DYNC2H1: variants seen among roughly 807,000 people sequenced by gnomAD.
DYNC2H1 encodes the protein cytoplasmic dynein 2 heavy chain 1.
Under a neutral mutation model 570.0 loss-of-function variants are expected in DYNC2H1, and 410 were observed. That is an observed-to-expected ratio of 0.72 (90% CI 0.66 to 0.78). The LOEUF (loss-of-function observed/expected upper bound fraction) is 0.78, where lower values mean the gene tolerates loss of function less well. Ranked by LOEUF, DYNC2H1 falls within the 30% of genes least tolerant of loss-of-function variation. DYNC2H1 has a pLI of 0.00. For missense variants in DYNC2H1, 4,865 were observed against 5,046.4 expected, an observed-to-expected ratio of 0.96 and a Z score of 1.09; for synonymous variants, 1,688 against 1,677.6, an observed-to-expected ratio of 1.01 and a Z score of -0.15.
chr11:103,415,195 C>T (rs1363884757), intron 84 of DYNC2H1, among the ~76,000 whole-genome samples: 1 of 152,126 alleles, frequency 6.6e-6, no homozygotes, highest in African/African-American at 2.4e-5. Flanking sequence ...AAATGTTAGA[C>T]CTCAAACCAT....
intron 75 of DYNC2H1, among the ~76,000 whole-genome samples, chr11:103,296,041 G>A (rs905078909): frequency 2.6e-5 from 4 of 152,096 alleles, no homozygotes; most frequent in Admixed American, 2.0e-4. Flanking sequence ...CCTCCCCTAC[G>A]CACACAGATT....
chr11:103,243,344 A>G lies in DYNC2H1; in HGVS notation c.9820-349A>G, dbSNP rs1216824747. ...ATTTGACTGTGTATTATAAAAGCCA[A>G]AAAGAATGCTGCAAATGACATCAGC... On this transcript the variant is annotated intron_variant, in intron 63 of 88. Transcript: ENST00000375735. The surrounding 1 kb of genome is among the most constrained non-coding windows in gnomAD (Gnocchi z 4.8). Among the ~76,000 whole-genome samples, 2 of 152,254 alleles carry G rather than the reference A, an allele frequency of 1.3e-5. No individual in the cohort carries two copies. Among genetic ancestry groups the G allele is most frequent in the East Asian group, 1.9e-4 (1 of 5,164 alleles).
At chr11:103,352,872 A>G (rs959610906) in intron 82 of DYNC2H1, among the ~76,000 whole-genome samples, 1 of 152,248 alleles carries the variant, frequency 6.6e-6, no homozygotes, top group South Asian at 2.1e-4. Flanking sequence ...AGCACTATTC[A>G]CAATAGCAGA....
In DYNC2H1 at chr11:103,122,882, T is replaced by A; in HGVS notation, c.1543T>A (p.Cys515Ser). The A allele has an allele frequency of 1.2e-6, 2 of 1,613,376 alleles. No individual in the cohort carries two copies. Among genetic ancestry groups the A allele is most frequent in the Non-Finnish European group, 8.5e-7 (1 of 1,179,610 alleles). The change falls in exon 11 of 89, where the codon TGT becomes AGT. Residue 515 changes from cysteine (C) to serine (S), a missense_variant. Cys to Ser is a moderately radical substitution (Grantham distance 112). Transcript: ENST00000375735. ...ALLSDLPGFR[C>S]FHQSAKDLLD... ...TTTATCTGACTTGCCAGGATTTCGA[T>A]GTTTCCATCAAAGTGCCAAAGATCT...
chr11:103,262,352 A>G (rs1393279361), intron 70 of DYNC2H1, among the ~76,000 whole-genome samples: 1 of 152,194 alleles, frequency 6.6e-6, no homozygotes, highest in Non-Finnish European at 1.5e-5. Context: ...TACAGAGAAC[A>G]CCACAAAGAT....
At chr11:103,234,465 C>T (rs1864145973) in intron 61 of DYNC2H1, among the ~76,000 whole-genome samples, 1 of 152,010 alleles carries the variant, frequency 6.6e-6, no homozygotes, top group South Asian at 2.1e-4. Context: ...TTACCTTCAC[C>T]AGGACAGTAA....
At chr11:103,366,245 A>G (rs539069620) in intron 83 of DYNC2H1, among the ~76,000 whole-genome samples, 1 of 152,326 alleles carries the variant, frequency 6.6e-6, no homozygotes, top group African/African-American at 2.4e-5. Flanking sequence ...AGGCATTTAC[A>G]ATGGCAAATG....
At chr11:103,236,087 C>T (rs1201292930) in intron 62 of DYNC2H1, among the ~76,000 whole-genome samples, 3 of 151,848 alleles carry the variant, frequency 2.0e-5, no homozygotes, top group East Asian at 1.9e-4. Flanking sequence ...TGCATAGATG[C>T]AATTAAACAT....
intron 71 of DYNC2H1, among the ~76,000 whole-genome samples, chr11:103,281,716 C>CAAAAAAAA (rs71066145): frequency 7.7e-6 from 1 of 129,108 alleles, no homozygotes. Flanking sequence ...AATTCTATGG[C>CAAAAAAAA]AAAAAAAAAA....
At chr11:103,474,025 A>G (rs11225821) in intron 88 of DYNC2H1, 9,194 of 183,134 alleles carry the variant, frequency 0.05, 472 homozygotes, top group East Asian at 0.24. Context: ...TGCCTTCTAT[A>G]CACTCTGGTT....
intron 43 of DYNC2H1, among the ~76,000 whole-genome samples, chr11:103,188,160 G>A (rs941395357): frequency 6.6e-6 from 1 of 151,776 alleles, no homozygotes; most frequent in Non-Finnish European, 1.5e-5. Flanking sequence ...AATATTTACA[G>A]AAAAAAACAA....
chr11:103,345,282 G>GT (rs35941820), intron 82 of DYNC2H1, among the ~76,000 whole-genome samples: 33,128 of 148,370 alleles, frequency 0.22, 3,717 homozygotes, highest in Admixed American at 0.31. Context: ...GGTTACTCCA[G>GT]TTTTTTTTTT....
Position 103,203,790 on chromosome 11 carries a change from A to G in DYNC2H1, c.8311+14A>G. 6.5e-7 allele frequency: 1 copy of G among 1,528,916 alleles called. No homozygotes were observed. Among genetic ancestry groups the G allele is most frequent in the Non-Finnish European group, 9.0e-7 (1 of 1,115,948 alleles). The allele number at this position is 1,528,916 out of a possible 1,614,324, so 94.7% of individuals were successfully genotyped here. A position where few individuals can be genotyped will look rare whatever the true frequency, so the allele number is the denominator to read the frequency against. ...ACTTCACATATAGTAAGTGACATAG[A>G]ATTCATTAATCAAATCAAACTGGTT... On this transcript the variant is annotated intron_variant, in intron 51 of 88. Transcript: ENST00000375735. The surrounding 1 kb of genome is among the most constrained non-coding windows in gnomAD (Gnocchi z 4.7).
chr11:103,131,520 CT>C (rs142366151), intron 13 of DYNC2H1, among the ~76,000 whole-genome samples: 5,243 of 151,526 alleles, frequency 0.035, 315 homozygotes, highest in African/African-American at 0.12. Flanking sequence ...CCCCAGTATT[CT>C]TTTTTTTCCC....
At chr11:103,288,704 A>T (rs1212476303) in intron 75 of DYNC2H1, among the ~76,000 whole-genome samples, 1 of 148,102 alleles carries the variant, frequency 6.8e-6, no homozygotes, top group East Asian at 2.0e-4. Context: ...AAAAAAAAAA[A>T]AAAAAAGAAA....
intron 82 of DYNC2H1, among the ~76,000 whole-genome samples, chr11:103,331,040 C>T (rs1461806015): frequency 6.6e-6 from 1 of 152,154 alleles, no homozygotes; most frequent in African/African-American, 2.4e-5. Context: ...TTGAACCTCT[C>T]AGAGATGAAA....
chr11:103,141,102 T>C (rs1029536667), intron 17 of DYNC2H1, among the ~76,000 whole-genome samples: 1 of 152,160 alleles, frequency 6.6e-6, no homozygotes, highest in Non-Finnish European at 1.5e-5. Context: ...TAGTTATACA[T>C]TCATCTAAAT....
At chr11:103,400,069 C>T (rs1942573981) in intron 84 of DYNC2H1, among the ~76,000 whole-genome samples, 197 bp downstream of exon 84, 1 of 152,144 alleles carries the variant, frequency 6.6e-6, no homozygotes, top group South Asian at 2.1e-4. Context: ...GATGTAGGAA[C>T]TTAAATTGTC....
At chr11:103,156,815 T>A (rs557376995) in intron 26 of DYNC2H1, 45 bp downstream of exon 26, 547 of 1,570,266 alleles carry the variant, frequency 3.5e-4, no homozygotes, top group Middle Eastern at 5.1e-4. Context: ...GTATTTTTTT[T>A]AAATTAATTC....
Sources: allele counts gnomAD v4.1 joint callset (sites outside exome capture counted in the v4.1 genomes callset), GRCh38; gene constraint gnomAD v4.1.1; non-coding constraint Gnocchi (gnomAD v3.1); transcripts MANE v1.5; gene names NCBI Gene and HGNC (gene_info 2026-07-23, HGNC 2026-07-21).